Variants in SCAPER observed in about 807,000 individuals in gnomAD.
SCAPER encodes S-phase cyclin A associated protein in the ER, also known as S phase cyclin A-associated protein in the endoplasmic reticulum.
In SCAPER, 98 loss-of-function variants were observed where a neutral mutation model predicts 182.2. That is an observed-to-expected ratio of 0.54 (90% CI 0.46 to 0.64). The LOEUF is 0.64. SCAPER is among the 30% of genes least tolerant of loss of function. The pLI is 0.00. For missense variants in SCAPER, 1,432 were observed against 1,690.0 expected, an observed-to-expected ratio of 0.85 and a Z score of 2.68; for synonymous variants, 605 against 564.6, an observed-to-expected ratio of 1.07 and a Z score of -1.01.
intron 23 of SCAPER, among the ~76,000 whole-genome samples, chr15:76,543,375 AG>A (rs899162848): frequency 3.3e-5 from 5 of 152,204 alleles, no homozygotes; most frequent in African/African-American, 7.2e-5. Context: ...TTTAAAATAC[AG>A]GAAGTAGACT....
At chr15:76,520,130 G>GT (rs1476652227) in intron 23 of SCAPER, among the ~76,000 whole-genome samples, 4 of 152,084 alleles carry the variant, frequency 2.6e-5, no homozygotes, top group Non-Finnish European at 5.9e-5. Context: ...GAACAACTGT[G>GT]TATTTCCTCA....
At chr15:76,881,475 C>T (rs2073535045) in intron 2 of SCAPER, among the ~76,000 whole-genome samples, 1 of 152,044 alleles carries the variant, frequency 6.6e-6, no homozygotes, top group African/African-American at 2.4e-5. Context: ...GGGAAACAGC[C>T]CAAGTGTCTG....
intron 5 of SCAPER, among the ~76,000 whole-genome samples, chr15:76,833,893 T>A (rs2068719710): frequency 1.3e-5 from 2 of 152,210 alleles, no homozygotes; most frequent in Admixed American, 6.5e-5. Flanking sequence ...GAGACTTAGA[T>A]AACCACACAT....
intron 21 of SCAPER, among the ~76,000 whole-genome samples, chr15:76,629,395 T>G (rs80126487): frequency 1.3e-5 from 2 of 152,256 alleles, no homozygotes; most frequent in Admixed American, 6.5e-5. Flanking sequence ...GGCTGTGGGT[T>G]TGTCATAAAT....
intron 21 of SCAPER, among the ~76,000 whole-genome samples, chr15:76,641,901 A>G (rs1343519526): frequency 6.6e-6 from 1 of 152,218 alleles, no homozygotes. Context: ...GAAGAACAAC[A>G]TGTTGTCACT....
chr15:76,543,134 G>A (rs912080314), intron 23 of SCAPER, among the ~76,000 whole-genome samples: 4 of 152,048 alleles, frequency 2.6e-5, no homozygotes, highest in Non-Finnish European at 4.4e-5. Flanking sequence ...ATCACATGTA[G>A]ACATTTTGAA....
chr15:76,871,732 A>T lies in SCAPER; in HGVS notation c.7-9199T>A, dbSNP rs140727538. 8.1e-3 allele frequency among the ~76,000 whole-genome samples: 1,225 copies of T among 151,976 alleles called. 13 individuals are homozygous for T. Among genetic ancestry groups the T allele is most frequent in the African/African-American group, 0.028 (1,162 of 41,450 alleles). The stretch of plus-strand genomic sequence containing the variant: ...CAGCCTCCCAATTAGCTGGGACTAC[A>T]GGCACACGCCACCATGCTCGGCTAA... On this transcript the variant is annotated intron_variant, in intron 2 of 31. Coordinates refer to ENST00000563290, the MANE Select transcript of SCAPER (RefSeq NM_020843.4).
chr15:76,357,189 C>CACACACACACAA (rs1555410451), intron 29 of SCAPER, among the ~76,000 whole-genome samples: 7 of 146,376 alleles, frequency 4.8e-5, no homozygotes, highest in Non-Finnish European at 6.1e-5. Context: ...CACACACACA[C>CACACACACACAA]CCCTATGGCC....
chr15:76,559,209 T>A (rs1285304054), intron 23 of SCAPER, among the ~76,000 whole-genome samples: 1,505 of 143,416 alleles, frequency 0.01, 18 homozygotes, highest in Non-Finnish European at 0.014. Flanking sequence ...TAATTTTTTT[T>A]TTTTTTTTTT....
At chr15:76,565,730 A>G (rs557125290) in intron 23 of SCAPER, among the ~76,000 whole-genome samples, 4 of 152,268 alleles carry the variant, frequency 2.6e-5, no homozygotes, top group African/African-American at 9.6e-5. Flanking sequence ...TTTAAAAAAT[A>G]CAAACCATTT....
At chr15:76,552,932 CAG>C (rs1260804248) in intron 23 of SCAPER, among the ~76,000 whole-genome samples, 1 of 152,174 alleles carries the variant, frequency 6.6e-6, no homozygotes, top group Non-Finnish European at 1.5e-5. Flanking sequence ...AATGTTCAAC[CAG>C]AGTGCTTCCC....
At chr15:76,699,672 C>G (rs975284249) in intron 20 of SCAPER, among the ~76,000 whole-genome samples, 2 of 152,180 alleles carry the variant, frequency 1.3e-5, no homozygotes, top group Admixed American at 1.3e-4. Flanking sequence ...TCTTAGGCAC[C>G]TCAAAGTTAA....
chr15:76,768,134 G>A (rs1007152517), intron 10 of SCAPER, among the ~76,000 whole-genome samples: 1 of 152,104 alleles, frequency 6.6e-6, no homozygotes, highest in African/African-American at 2.4e-5. Context: ...ACTTTGGAAA[G>A]CAGTCTGACA....
chr15:76,811,306 T>C (rs147765241), intron 5 of SCAPER, among the ~76,000 whole-genome samples: 6 of 152,040 alleles, frequency 3.9e-5, no homozygotes, highest in South Asian at 2.1e-4. Flanking sequence ...CCAACCGCAA[T>C]TGAATGAAAC....
intron 29 of SCAPER, 92 bp downstream of exon 29, chr15:76,376,070 G>T: frequency 1.3e-6 from 2 of 1,511,476 alleles, no homozygotes; most frequent in South Asian, 2.6e-5. Flanking sequence ...GGACATTTGG[G>T]TTCCAGCCCG....
At chr15:76,639,097 G>A (rs898312332) in intron 21 of SCAPER, among the ~76,000 whole-genome samples, 1 of 152,164 alleles carries the variant, frequency 6.6e-6, no homozygotes, top group Non-Finnish European at 1.5e-5. Context: ...TTGCCAGAAA[G>A]AGACACTTTA....
chr15:76,725,440 CA>C (rs2060526295), intron 17 of SCAPER, among the ~76,000 whole-genome samples: 1 of 151,410 alleles, frequency 6.6e-6, no homozygotes, highest in African/African-American at 2.4e-5. Flanking sequence ...CCATACTTCC[CA>C]AAACAATCTA....
At chr15:76,650,029 G>A (rs753549522) in intron 21 of SCAPER, among the ~76,000 whole-genome samples, 9 of 152,132 alleles carry the variant, frequency 5.9e-5, no homozygotes, top group Non-Finnish European at 1.0e-4. Context: ...GAAGTAAAAT[G>A]TATGATAACA....
intron 17 of SCAPER, among the ~76,000 whole-genome samples, chr15:76,710,956 G>A (rs2059531060): frequency 6.6e-6 from 1 of 152,058 alleles, no homozygotes; most frequent in Non-Finnish European, 1.5e-5. Context: ...ATCTTTAACA[G>A]ATGGTAAGGC....
Sources: gnomAD v4.1 joint callset for allele counts (sites outside exome capture counted in the v4.1 genomes callset) on GRCh38, gnomAD v4.1.1 for gene constraint, MANE v1.5 for transcripts, NCBI Gene and HGNC (gene_info 2026-07-23, HGNC 2026-07-21) for gene names.